VWA8: variants seen among roughly 807,000 people sequenced by gnomAD.
VWA8 encodes the protein von Willebrand factor A domain-containing protein 8.
In VWA8, 221 loss-of-function variants were observed where a neutral mutation model predicts 241.5. The observed-to-expected ratio is 0.91, with a 90% CI of 0.82 to 1.02. VWA8 has a LOEUF of 1.02. Ranked by LOEUF, VWA8 falls within the 50% of genes least tolerant of loss-of-function variation. VWA8 has a pLI of 0.00. For missense variants in VWA8, 2,322 were observed against 2,328.7 expected, an observed-to-expected ratio of 1.00 and a Z score of 0.06; for synonymous variants, 852 against 827.1, an observed-to-expected ratio of 1.03 and a Z score of -0.52.
chr13:41,868,500 T>C (rs1239030235), intron 9 of VWA8, 23 bp from the exon 10 acceptor site: 3 of 1,603,488 alleles, frequency 1.9e-6, no homozygotes, highest in Admixed American at 1.7e-5. Flanking sequence ...AAGAAAATCA[T>C]GCAATTTACT....
At chr13:41,897,840 C>T (rs1157183106) in intron 4 of VWA8, among the ~76,000 whole-genome samples, 2 of 152,082 alleles carry the variant, frequency 1.3e-5, no homozygotes, top group African/African-American at 2.4e-5. Flanking sequence ...GGAAGGGGAC[C>T]CGAGCGGGTT....
intron 40 of VWA8, among the ~76,000 whole-genome samples, chr13:41,591,470 G>C (rs2044454512): frequency 6.6e-6 from 1 of 152,138 alleles, no homozygotes; most frequent in Non-Finnish European, 1.5e-5. Flanking sequence ...GGGAAGAATA[G>C]CTAAGATGTT....
chr13:41,932,580 A>T (rs1239827461), intron 2 of VWA8, among the ~76,000 whole-genome samples: 3 of 152,010 alleles, frequency 2.0e-5, no homozygotes, highest in Non-Finnish European at 4.4e-5. Flanking sequence ...TGAGTCCAAT[A>T]ATATATAAAA....
At chr13:41,902,522 A>C (rs1413737022) in intron 4 of VWA8, among the ~76,000 whole-genome samples, 1 of 152,150 alleles carries the variant, frequency 6.6e-6, no homozygotes, top group Non-Finnish European at 1.5e-5. Context: ...AACAACAGAG[A>C]TTTTTGGTTT....
chr13:41,887,441 A>C (rs1305893885), intron 5 of VWA8, 80 bp from the exon 6 acceptor site: 6 of 1,426,390 alleles, frequency 4.2e-6, no homozygotes, highest in Non-Finnish European at 4.7e-6. Flanking sequence ...CCAGGGACTT[A>C]GGACTTGACT....
At chr13:41,937,164 C>T (rs574690074) in intron 2 of VWA8, among the ~76,000 whole-genome samples, 87 of 152,124 alleles carry the variant, frequency 5.7e-4, no homozygotes, top group Non-Finnish European at 9.8e-4. Flanking sequence ...CCAGCAGTCA[C>T]CAACCTTTTT....
Position 41,611,619 on chromosome 13 carries a change from T to TG in VWA8, c.4833dup (p.Lys1612GlnfsTer5). On this transcript the variant is annotated frameshift_variant, in exon 39 of 45. Coordinates refer to ENST00000379310, the MANE Select transcript of VWA8 (RefSeq NM_015058.2). LOFTEE classifies it high-confidence loss of function. ...TGGCCCATCTCTCTAGCAGCTCTCT[T>TG]GACCTCTTCGGGAACTGCATCTTTC... 6.2e-7 allele frequency: 1 copy of TG among 1,614,130 alleles called. No individual in the cohort carries two copies. Among genetic ancestry groups the TG allele is most frequent in the Non-Finnish European group, 8.5e-7 (1 of 1,179,976 alleles).
intron 1 of VWA8, among the ~76,000 whole-genome samples, chr13:41,956,519 T>C (rs1430078545): frequency 6.6e-6 from 1 of 152,198 alleles, no homozygotes; most frequent in Non-Finnish European, 1.5e-5. Flanking sequence ...CAAAATAACC[T>C]GCTGCAGGTT....
In VWA8 at chr13:41,961,009, A is replaced by G; in HGVS notation, c.7T>C (p.Ser3Pro). Residue 3 changes from serine (S) to proline (P), a missense_variant, in exon 1 of 45, where the codon TCC (serine) becomes CCC (proline). Physicochemically the swap from Ser to Pro is moderately conservative, Grantham distance 74. Coordinates refer to ENST00000379310, the MANE Select transcript of VWA8 (RefSeq NM_015058.2). ...GGTGCCCCGAGGAGTAGAAGCCGGG[A>G]TTGCATGGCGCCGGGGGGGCTGTCG... is the stretch of plus-strand genomic sequence containing the variant. The part of the protein sequence containing the change: MQ[S>P]RLLLLGAPGG... 7.5e-7 allele frequency: 1 copy of G among 1,340,428 alleles called. No homozygotes were observed. The highest frequency in any genetic ancestry group is 9.5e-7 in the Non-Finnish European group (1 of 1,051,604). The allele number at this position is 1,340,428 out of a possible 1,614,324, so 83.0% of individuals were successfully genotyped here. A position where few individuals can be genotyped will look rare whatever the true frequency, so the allele number is the denominator to read the frequency against.
At chr13:41,607,788 C>T (rs2044562304) in intron 39 of VWA8, among the ~76,000 whole-genome samples, 1 of 152,020 alleles carries the variant, frequency 6.6e-6, no homozygotes, top group South Asian at 2.1e-4. Context: ...TTAAATAATC[C>T]TGAGTTGTAT....
At position 41,891,519 on chromosome 13, in the gene VWA8, A is replaced by C. The variant is rs1874845728; in HGVS notation, c.552T>G (p.Asn184Lys). The change falls in exon 5 of 45, where the codon AAT becomes AAG. Residue 184 changes from asparagine (N) to lysine (K), a missense_variant. By Grantham distance (94) the Asn-to-Lys change is moderately conservative. Transcript: ENST00000379310. ...GCAAGTTGTTCAAAACAGGCAAAACATTCCTCTCTGCCTTTTCCAAACCTT... is the reference window on the plus strand; with the variant it reads ...GCAAGTTGTTCAAAACAGGCAAAACCTTCCTCTCTGCCTTTTCCAAACCTT... ...ILEGLEKAER[N>K]VLPVLNNLLE... 1 of 1,614,252 alleles carries C rather than the reference A, an allele frequency of 6.2e-7. No individual in the cohort carries two copies. Among genetic ancestry groups the C allele is most frequent in the Non-Finnish European group, 8.5e-7 (1 of 1,180,034 alleles).
At chr13:41,875,311 C>A (rs1157016076) in intron 9 of VWA8, among the ~76,000 whole-genome samples, 2 of 152,086 alleles carry the variant, frequency 1.3e-5, no homozygotes, top group African/African-American at 4.8e-5. Context: ...CAAGGGTGCT[C>A]TGAAAATGTC....
chr13:41,612,113 T>C (rs917648934), intron 38 of VWA8, among the ~76,000 whole-genome samples: 1 of 152,244 alleles, frequency 6.6e-6, no homozygotes, highest in Non-Finnish European at 1.5e-5. Context: ...GGTTTGAATA[T>C]CATAGATACT....
At chr13:41,733,158 C>A (rs183459444) in intron 21 of VWA8, among the ~76,000 whole-genome samples, 30 of 140,856 alleles carry the variant, frequency 2.1e-4, no homozygotes, top group African/African-American at 7.3e-4. Context: ...GAAATGTACA[C>A]CAAATGCCAA....
At chr13:41,904,555 T>C (rs1428850090) in intron 4 of VWA8, among the ~76,000 whole-genome samples, 2 of 152,102 alleles carry the variant, frequency 1.3e-5, no homozygotes. Flanking sequence ...GGGGGTGGTG[T>C]GGGGTTTACA....
At chr13:41,742,143 A>T (rs2045573913) in intron 21 of VWA8, among the ~76,000 whole-genome samples, 1 of 152,214 alleles carries the variant, frequency 6.6e-6, no homozygotes, top group South Asian at 2.1e-4. Flanking sequence ...CCTCGTTGCC[A>T]TTTTGGAGTC....
intron 21 of VWA8, among the ~76,000 whole-genome samples, chr13:41,746,650 C>A (rs1428436716): frequency 6.6e-6 from 1 of 152,160 alleles, no homozygotes; most frequent in Non-Finnish European, 1.5e-5. Flanking sequence ...TGATGACACT[C>A]CTCAAAGGAG....
chr13:41,657,656 A>AT lies in VWA8; in HGVS notation c.4611+13289dup, dbSNP rs751515871. On this transcript the variant is annotated intron_variant, in intron 37 of 44. Transcript: ENST00000379310. Reference sequence around the variant, plus strand: ...AGGCGCCCGCCACCGCGCCCGGCTAATTTTTTGTATTTTTAGTAGAGACGG... The same window carrying AT: ...AGGCGCCCGCCACCGCGCCCGGCTAATTTTTTTGTATTTTTAGTAGAGACGG... Among the ~76,000 whole-genome samples the AT allele has an allele frequency of 1.7e-3, 256 of 151,792 alleles. 1 individual carries two copies. The highest frequency in any genetic ancestry group is 1.8e-3 in the Non-Finnish European group (120 of 67,898).
At chr13:41,649,798 C>T (rs963028944) in intron 37 of VWA8, among the ~76,000 whole-genome samples, 1 of 152,104 alleles carries the variant, frequency 6.6e-6, no homozygotes, top group Non-Finnish European at 1.5e-5. Context: ...AGAAAATATG[C>T]TGGATACTTT....
Sources: gnomAD v4.1 joint callset for allele counts (sites outside exome capture counted in the v4.1 genomes callset) on GRCh38, gnomAD v4.1.1 for gene constraint, MANE v1.5 for transcripts, NCBI Gene and HGNC (gene_info 2026-07-23, HGNC 2026-07-21) for gene names.